The following AFF2 variants were observed in gnomAD, a reference collection of about 807,000 sequenced individuals.
The protein encoded by AFF2 is ALF transcription elongation factor 2, also known as AF4/FMR2 family member 2.
AFF2 carries 14 observed loss-of-function variants against 76.9 expected under a neutral mutation model. The ratio of observed to expected loss-of-function variants is 0.18; its 90% confidence interval spans 0.12 to 0.28. The LOEUF is 0.28. AFF2 is among the 10% of genes least tolerant of loss of function. The pLI, the probability that AFF2 is intolerant of heterozygous loss-of-function variation, is 1.00. For synonymous variants in AFF2, 398 were observed against 366.7 expected (o/e 1.09, Z -0.98); for missense variants, 868 against 1,001.1 (o/e 0.87, Z 1.79).
rs1557288800 is a variant in AFF2 at position 148,966,862 on chromosome X, G to A, written c.2986G>A (p.Val996Ile). 1 of 1,210,737 alleles carries A rather than the reference G, an allele frequency of 8.3e-7. No homozygotes were observed. Among genetic ancestry groups the A allele is most frequent in the Admixed American group, 2.2e-5 (1 of 45,966 alleles). ...CAATACTGCTATTGCCACTGCTACT[G>A]TCACTGCTACTGCCATTGTCACCAC... ...VTNTAIATAT[V>I]TATAIVTTTV... The change falls in exon 14 of 21, where the codon GTC becomes ATC. Residue 996 changes from valine (V) to isoleucine (I), a missense_variant. Val to Ile is a conservative substitution (Grantham distance 29, BLOSUM62 3). Around this residue, in one of 6 missense-constraint regions of AFF2, gnomAD observed 532 missense variants for 564.2 expected, o/e 0.94. Transcript: ENST00000370460.
chrX:148,705,332 C>T (rs2054869285), intron 3 of AFF2, among the ~76,000 whole-genome samples: 1 of 112,076 alleles, frequency 8.9e-6, no homozygotes, highest in African/African-American at 3.2e-5. Context: ...CAGTCAAGAC[C>T]TCATAGCAGA....
chrX:148,888,742 A>T (rs1335331377), intron 8 of AFF2, among the ~76,000 whole-genome samples: 6 of 111,779 alleles, frequency 5.4e-5, no homozygotes, highest in African/African-American at 1.6e-4. Flanking sequence ...GGCACAAGCT[A>T]GGTGTGGTGT....
At position 148,923,329 on chromosome X, in the gene AFF2, G is replaced by A. The variant is rs782711645; in HGVS notation, c.1397+19071G>A. 4.5e-5 allele frequency among the ~76,000 whole-genome samples: 5 copies of A among 111,841 alleles called. No homozygotes were observed. In the East Asian group the frequency reaches 8.5e-4, roughly 19 times the overall value. The stretch of plus-strand genomic sequence containing the variant: ...TTATACTTTGATACAGTTAGGTTGC[G>A]TTTATCAGACTTTGTAGATTTGGAG... On this transcript the variant is annotated intron_variant, in intron 9 of 20. Coordinates refer to ENST00000370460, the MANE Select transcript of AFF2 (RefSeq NM_002025.4).
At chrX:148,579,551 T>C (rs1482488125) in intron 1 of AFF2, among the ~76,000 whole-genome samples, 3 of 112,202 alleles carry the variant, frequency 2.7e-5, no homozygotes, top group African/African-American at 9.7e-5. Flanking sequence ...TTGTAATATA[T>C]TTAAATGATG....
At chrX:148,502,027 G>T (rs1413745331) in intron 1 of AFF2, among the ~76,000 whole-genome samples, 1 of 111,818 alleles carries the variant, frequency 8.9e-6, no homozygotes, top group East Asian at 2.8e-4. Context: ...AGAGATGTGC[G>T]TGCGCGTGTG....
chrX:148,658,501 C>G (rs5980567), intron 2 of AFF2, among the ~76,000 whole-genome samples: 5,102 of 111,918 alleles, frequency 0.046, 307 homozygotes, highest in African/African-American at 0.16. Flanking sequence ...GCCTAGACCT[C>G]TAAGTCCACA....
chrX:148,805,601 A>C (rs1300670722), intron 3 of AFF2, among the ~76,000 whole-genome samples: 2 of 112,644 alleles, frequency 1.8e-5, no homozygotes, highest in Non-Finnish European at 3.7e-5. Context: ...TTAATTCCAG[A>C]ATGATTAAAA....
chrX:148,703,164 G>A (rs963250549), intron 3 of AFF2, among the ~76,000 whole-genome samples: 9 of 111,871 alleles, frequency 8.0e-5, no homozygotes, highest in Non-Finnish European at 1.7e-4. Flanking sequence ...CCTACCTTCA[G>A]CATTTCCTGT....
At chrX:148,896,836 T>A (rs2124182965) in intron 8 of AFF2, among the ~76,000 whole-genome samples, 1 of 110,491 alleles carries the variant, frequency 9.1e-6, no homozygotes, top group Non-Finnish European at 1.9e-5. Flanking sequence ...TTTTGCCTCC[T>A]AGTTCAGACT....
At chrX:148,814,043 C>T (rs782687505) in intron 4 of AFF2, among the ~76,000 whole-genome samples, 2 of 112,173 alleles carry the variant, frequency 1.8e-5, no homozygotes, top group South Asian at 7.3e-4. Context: ...CACTTGCTTC[C>T]GTCAGCATGC....
Position 148,562,128 on chromosome X carries a change from A to G in AFF2, c.47+60984A>G, listed in dbSNP as rs185796092. On this transcript the variant is annotated intron_variant, in intron 1 of 20. Transcript: ENST00000370460. ...GTTGCTTGTTTTAGAATTTAAGACAACAGTTATGCCAGCAAATGACAGCTT... is the reference window on the plus strand; with the variant it reads ...GTTGCTTGTTTTAGAATTTAAGACAGCAGTTATGCCAGCAAATGACAGCTT... 2.3e-3 allele frequency among the ~76,000 whole-genome samples: 257 copies of G among 112,405 alleles called. 1 individual carries two copies. Among genetic ancestry groups the G allele is most frequent in the African/African-American group, 8.1e-3 (252 of 31,003 alleles).
At chrX:148,868,307 C>A (rs782695478) in intron 7 of AFF2, among the ~76,000 whole-genome samples, 5 of 112,030 alleles carry the variant, frequency 4.5e-5, no homozygotes, top group Non-Finnish European at 7.5e-5. Flanking sequence ...AATCTGCAGA[C>A]TCCATGCATC....
chrX:148,584,117 T>TA (rs1400727736), intron 1 of AFF2, among the ~76,000 whole-genome samples: 22 of 111,418 alleles, frequency 2.0e-4, no homozygotes, highest in Non-Finnish European at 3.8e-4. Context: ...TTTCTTTTTG[T>TA]AAAAAAAACA....
At chrX:148,934,648 G>A (rs1557284800) in intron 9 of AFF2, among the ~76,000 whole-genome samples, 1 of 112,114 alleles carries the variant, frequency 8.9e-6, no homozygotes, top group Non-Finnish European at 1.9e-5. Flanking sequence ...CTTGATGCAA[G>A]TTGCTTAACG....
chrX:148,973,853 A>G (rs1020325240), intron 16 of AFF2, among the ~76,000 whole-genome samples: 6 of 112,070 alleles, frequency 5.4e-5, no homozygotes, highest in Admixed American at 9.5e-5. Context: ...TATTCGTAAC[A>G]TTAAAATGGA....
chrX:148,827,357 A>G (rs1010666457), intron 4 of AFF2, among the ~76,000 whole-genome samples: 3 of 112,299 alleles, frequency 2.7e-5, no homozygotes, highest in African/African-American at 6.5e-5. Flanking sequence ...AGTGTAAACT[A>G]CAAGAAAGCT....
chrX:148,913,729 A>G (rs1487403218), intron 9 of AFF2, among the ~76,000 whole-genome samples: 1 of 112,294 alleles, frequency 8.9e-6, no homozygotes, highest in Non-Finnish European at 1.9e-5. Context: ...GTTAGTTTCT[A>G]ACTCTGTCCT....
At chrX:148,847,049 C>T (rs1315428527) in intron 7 of AFF2, among the ~76,000 whole-genome samples, 6 of 110,999 alleles carry the variant, frequency 5.4e-5, no homozygotes, top group African/African-American at 1.3e-4. Flanking sequence ...TACAGGTGCC[C>T]GCCACCTGTA....
chrX:148,637,890 G>A (rs1276122534), intron 1 of AFF2, among the ~76,000 whole-genome samples: 1 of 110,606 alleles, frequency 9.0e-6, no homozygotes, highest in Non-Finnish European at 1.9e-5. Flanking sequence ...TTGGATAACT[G>A]GGGTTTTTTT....
Sources: gnomAD v4.1 joint callset for allele counts (sites outside exome capture counted in the v4.1 genomes callset) on GRCh38, gnomAD v4.1.1 for gene constraint, gnomAD v4.1.1 regional missense constraint, MANE v1.5 for transcripts, NCBI Gene and HGNC (gene_info 2026-07-23, HGNC 2026-07-21) for gene names.